The following KLHL29 variants were observed in gnomAD, a reference collection of about 807,000 sequenced individuals.
KLHL29 encodes the protein kelch like family member 29, also known as kelch-like protein 29.
Under a neutral mutation model 80.4 loss-of-function variants are expected in KLHL29, and 21 were observed. The ratio of observed to expected loss-of-function variants is 0.26; its 90% confidence interval spans 0.19 to 0.38. KLHL29 has a LOEUF of 0.38. KLHL29 is among the 10% of genes least tolerant of loss of function. The probability of loss-of-function intolerance (pLI) is 1.00; values close to 1 mark genes in which losing one functional copy is unlikely to be tolerated. For synonymous variants in KLHL29, 511 were observed against 526.8 expected, an observed-to-expected ratio of 0.97 and a Z score of 0.41; for missense variants, 867 against 1,223.9, an observed-to-expected ratio of 0.71 and a Z score of 4.35.
At chr2:23,399,206 A>G (rs1396078860) in intron 1 of KLHL29, among the ~76,000 whole-genome samples, 1 of 152,212 alleles carries the variant, frequency 6.6e-6, no homozygotes, top group Non-Finnish European at 1.5e-5. Flanking sequence ...ACAGTATCCT[A>G]GAATCTTTGT....
At chr2:23,450,941 T>A (rs1123258) in intron 1 of KLHL29, among the ~76,000 whole-genome samples, 2 of 152,084 alleles carry the variant, frequency 1.3e-5, no homozygotes, top group Non-Finnish European at 2.9e-5. Context: ...TAATCTATTG[T>A]TTTTTTCTTT....
At chr2:23,483,660 A>C (rs1572349271) in intron 2 of KLHL29, among the ~76,000 whole-genome samples, 1 of 152,218 alleles carries the variant, frequency 6.6e-6, no homozygotes, top group East Asian at 1.9e-4. Context: ...AAGTGTTTTC[A>C]TAGCTTCCTC....
At position 23,642,492 on chromosome 2, in the gene KLHL29, G is replaced by A; in HGVS notation, c.582G>A (p.Gly194=). 2.0e-6 allele frequency: 3 copies of A among 1,517,200 alleles called. No individual in the cohort carries two copies. The highest frequency in any genetic ancestry group is 1.7e-4 in the Middle Eastern group (1 of 5,844). 94.0% of individuals were successfully genotyped at this position (1,517,200 alleles called of 1,614,324 possible). A position where few individuals can be genotyped will look rare whatever the true frequency, so the allele number is the denominator to read the frequency against. The change falls in exon 5 of 14, where the codon GGG becomes GGA. Residue 194 remains glycine (G), a synonymous_variant. Transcript: ENST00000486442. ...CCCCCTCACTGCCTCCCCACGTGGG[G>A]CCCCAGCTCCCGCTGATGCCAGGCC... is the stretch of plus-strand genomic sequence containing the variant. ...GVTPSLPPHV[G]PQLPLMPGHY...
chr2:23,548,708 A>T (rs1667047541), intron 2 of KLHL29, among the ~76,000 whole-genome samples: 1 of 152,226 alleles, frequency 6.6e-6, no homozygotes, highest in South Asian at 2.1e-4. Context: ...GCGTGGCATG[A>T]GTGAAAAGCG....
intron 2 of KLHL29, among the ~76,000 whole-genome samples, chr2:23,559,973 G>C (rs1017820316): frequency 1.3e-5 from 2 of 152,140 alleles, no homozygotes; most frequent in Non-Finnish European, 2.9e-5. Context: ...TGCAGAGGAG[G>C]GTTCCGGAAA....
chr2:23,452,610 A>G (rs1427140111), intron 1 of KLHL29, among the ~76,000 whole-genome samples: 2 of 152,120 alleles, frequency 1.3e-5, no homozygotes, highest in African/African-American at 4.8e-5. Flanking sequence ...TGTCCTCAGT[A>G]ATTTTTACTC....
chr2:23,400,164 A>G (rs1666551683), intron 1 of KLHL29, among the ~76,000 whole-genome samples: 1 of 152,132 alleles, frequency 6.6e-6, no homozygotes, highest in African/African-American at 2.4e-5. Flanking sequence ...GAGCTGTGAT[A>G]GCTGCCACAC....
chr2:23,441,347 G>T (rs1423299264), intron 1 of KLHL29, among the ~76,000 whole-genome samples: 1 of 48,558 alleles, frequency 2.1e-5, no homozygotes, highest in Non-Finnish European at 4.1e-5. Context: ...GGGGAGGGGG[G>T]AGGGATAGCA....
chr2:23,642,196 C>T (rs768059755), intron 4 of KLHL29, 142 bp from the exon 5 acceptor site: 14 of 738,046 alleles, frequency 1.9e-5, no homozygotes, highest in Non-Finnish European at 2.6e-5. Context: ...GCCATGATCA[C>T]AGATTCCTAA....
intron 1 of KLHL29, among the ~76,000 whole-genome samples, chr2:23,435,782 T>G (rs893017415): frequency 2.0e-5 from 3 of 152,210 alleles, no homozygotes; most frequent in African/African-American, 7.2e-5. Context: ...CAGCTATCCT[T>G]ATTGTCAGTT....
rs1672721766 is a variant in KLHL29, at chr2:23,706,338, G to GTTGTT, written c.2445-143_2445-142insTTGTT. 1.2e-5 allele frequency: 7 copies of GTTGTT among 578,540 alleles called. No individual in the cohort carries two copies. In the African/African-American group the frequency reaches 1.4e-4, roughly 11 times the overall value. 35.8% of individuals were successfully genotyped at this position (578,540 alleles called of 1,614,324 possible). A position where few individuals can be genotyped will look rare whatever the true frequency, so the allele number is the denominator to read the frequency against. On this transcript the variant is annotated intron_variant, in intron 13 of 13. Transcript: ENST00000486442. Reference sequence around the variant, plus strand: ...GTTTTTCTTATGCCAGCCCAGGTTAGAGGGCAAAGAAGGGCAGCAAGATCC... The same window carrying GTTGTT: ...GTTTTTCTTATGCCAGCCCAGGTTAGTTGTTAGGGCAAAGAAGGGCAGCAAGATCC...
rs1671924717 is a variant in KLHL29 at position 23,695,918 on chromosome 2, G to A, written c.1742-33G>A. Reference sequence around the variant, plus strand: ...GCACAGATGCCGACAGTCTTAGAGTGTGTCCCAAGGGCGCCCATCCATGTC... The same window carrying A: ...GCACAGATGCCGACAGTCTTAGAGTATGTCCCAAGGGCGCCCATCCATGTC... On this transcript the variant is annotated intron_variant, in intron 9 of 13. Coordinates refer to ENST00000486442, the MANE Select transcript of KLHL29 (RefSeq NM_052920.2). This position sits in a 1 kb window ranked among gnomAD's most constrained non-coding sequence, Gnocchi z 7.6. 4.5e-6 allele frequency: 7 copies of A among 1,546,362 alleles called. No homozygotes were observed. The highest frequency in any genetic ancestry group is 6.1e-6 in the Non-Finnish European group (7 of 1,145,000).
At chr2:23,634,418 C>G (rs1349505882) in intron 3 of KLHL29, among the ~76,000 whole-genome samples, 4 of 152,190 alleles carry the variant, frequency 2.6e-5, no homozygotes, top group Non-Finnish European at 5.9e-5. Flanking sequence ...GGGCCCCCAT[C>G]CATCTGCCAG....
intron 5 of KLHL29, among the ~76,000 whole-genome samples, chr2:23,661,052 A>C (rs1190080478): frequency 6.6e-6 from 1 of 151,544 alleles, no homozygotes; most frequent in African/African-American, 2.4e-5. Context: ...AGAGAGAGAG[A>C]GAGAGAAGCC....
chr2:23,679,610 A>G (rs1488938488), intron 5 of KLHL29, among the ~76,000 whole-genome samples: 1 of 152,234 alleles, frequency 6.6e-6, no homozygotes, highest in Non-Finnish European at 1.5e-5. Context: ...CCATCACACC[A>G]GATATATATA....
rs949451159 is a variant in KLHL29 at position 23,708,409 on chromosome 2, A to G, written c.*1745A>G. 3 of 152,192 alleles carry G rather than the reference A, an allele frequency of 2.0e-5. No homozygotes were observed. Among genetic ancestry groups the G allele is most frequent in the Non-Finnish European group, 4.4e-5 (3 of 68,030 alleles). The allele number at this position is 152,192 out of a possible 1,614,324, so 9.4% of individuals were successfully genotyped here. Reference sequence around the variant, plus strand: ...TTAGCATTGGTGTGCGTCTGCCTCCAAAGGAGGTTCTAGTTGTCAGCGAGA... The same window carrying G: ...TTAGCATTGGTGTGCGTCTGCCTCCGAAGGAGGTTCTAGTTGTCAGCGAGA... On this transcript the variant is annotated 3_prime_UTR_variant, in exon 14 of 14. Transcript: ENST00000486442.
At chr2:23,458,700 G>A (rs1664130468) in intron 1 of KLHL29, among the ~76,000 whole-genome samples, 1 of 152,210 alleles carries the variant, frequency 6.6e-6, no homozygotes, top group African/African-American at 2.4e-5. Context: ...ACCAGGTGAA[G>A]AGAGAGAGGA....
At chr2:23,471,878 T>C (rs1367023169) in intron 1 of KLHL29, among the ~76,000 whole-genome samples, 1 of 152,218 alleles carries the variant, frequency 6.6e-6, no homozygotes, top group Non-Finnish European at 1.5e-5. Flanking sequence ...GTTAAGATTT[T>C]ACAGTGTTAA....
intron 1 of KLHL29, among the ~76,000 whole-genome samples, chr2:23,410,013 GA>G (rs1666824006): frequency 6.6e-6 from 1 of 152,172 alleles, no homozygotes; most frequent in Non-Finnish European, 1.5e-5. Context: ...AAGGAGATGC[GA>G]AAAGGTCAGA....
Sources: gnomAD v4.1 joint callset for allele counts (sites outside exome capture counted in the v4.1 genomes callset) on GRCh38, gnomAD v4.1.1 for gene constraint, Gnocchi (gnomAD v3.1) non-coding constraint, MANE v1.5 for transcripts, NCBI Gene and HGNC (gene_info 2026-07-23, HGNC 2026-07-21) for gene names.